SMURF1: variants seen among roughly 807,000 people sequenced by gnomAD.
SMURF1 encodes E3 ubiquitin-protein ligase SMURF1.
SMURF1 carries 44 observed loss-of-function variants against 98.0 expected under a neutral mutation model. That is an observed-to-expected ratio of 0.45 (90% CI 0.35 to 0.58). The LOEUF is 0.58. Ranked by LOEUF, SMURF1 falls within the 20% of genes least tolerant of loss-of-function variation. The pLI, the probability that SMURF1 is intolerant of heterozygous loss-of-function variation, is 0.00. For synonymous variants in SMURF1, 396 were observed against 374.9 expected (o/e 1.06, Z -0.65); for missense variants, 687 against 938.4 (o/e 0.73, Z 3.50).
chr7:99,031,910 A>G (rs1230858374), intron 17 of SMURF1, among the ~76,000 whole-genome samples: 1 of 152,230 alleles, frequency 6.6e-6, no homozygotes, highest in East Asian at 1.9e-4. Flanking sequence ...GGATGGTTCC[A>G]GGACAAAGTG....
chr7:99,141,315 A>G (rs1438048876), intron 1 of SMURF1, among the ~76,000 whole-genome samples: 1 of 152,252 alleles, frequency 6.6e-6, no homozygotes, highest in Non-Finnish European at 1.5e-5. Context: ...TAAACATTTC[A>G]ATTAAAACCT....
chr7:99,057,891 C>T (rs1484263926), intron 3 of SMURF1, among the ~76,000 whole-genome samples: 1 of 151,922 alleles, frequency 6.6e-6, no homozygotes, highest in African/African-American at 2.4e-5. Flanking sequence ...GCTACTATGC[C>T]CAGCTTTTAA....
chr7:99,055,907 A>C (rs749080612), intron 5 of SMURF1, among the ~76,000 whole-genome samples: 10 of 152,204 alleles, frequency 6.6e-5, no homozygotes, highest in Non-Finnish European at 1.2e-4. Context: ...CGGAGGTTGC[A>C]GTGAGCTAAG....
At chr7:99,090,363 C>G (rs1296849635) in intron 1 of SMURF1, among the ~76,000 whole-genome samples, 1 of 152,100 alleles carries the variant, frequency 6.6e-6, no homozygotes, top group African/African-American at 2.4e-5. Context: ...TATAAACCTA[C>G]CCCTTCCTTT....
intron 5 of SMURF1, among the ~76,000 whole-genome samples, chr7:99,056,969 C>T (rs1795890572): frequency 8.3e-6 from 1 of 120,066 alleles, no homozygotes; most frequent in Non-Finnish European, 1.6e-5. Context: ...CACCACTGCA[C>T]TCCATCTCAA....
At chr7:99,059,999 A>G (rs938023097) in intron 3 of SMURF1, among the ~76,000 whole-genome samples, 7 of 152,184 alleles carry the variant, frequency 4.6e-5, no homozygotes, top group Non-Finnish European at 8.8e-5. Flanking sequence ...TTCACAAACT[A>G]TGGCCTTTTT....
At chr7:99,056,740 C>T (rs1186157925) in intron 5 of SMURF1, among the ~76,000 whole-genome samples, 8 of 152,102 alleles carry the variant, frequency 5.3e-5, no homozygotes, top group Admixed American at 2.6e-4. Flanking sequence ...TGGTGGCTCA[C>T]GCCTGTAAGC....
chr7:99,142,867 C>A (rs1309620291), intron 1 of SMURF1, among the ~76,000 whole-genome samples: 1 of 127,864 alleles, frequency 7.8e-6, no homozygotes, highest in Non-Finnish European at 1.6e-5. Flanking sequence ...GGAACAGAGG[C>A]AAGGCCAGGA....
chr7:99,031,956 A>G (rs772760519), intron 17 of SMURF1, among the ~76,000 whole-genome samples: 2 of 152,240 alleles, frequency 1.3e-5, no homozygotes, highest in Non-Finnish European at 2.9e-5. Context: ...CATACAGGAA[A>G]TAATCTACTA....
intron 15 of SMURF1, chr7:99,036,574 A>T (rs1257168091): frequency 6.4e-6 from 1 of 155,300 alleles, no homozygotes; most frequent in African/African-American, 2.4e-5. Flanking sequence ...CAGCAGAAAG[A>T]CTTGGAGAAC....
intron 1 of SMURF1, among the ~76,000 whole-genome samples, chr7:99,109,432 A>C (rs1312837251): frequency 1.3e-5 from 2 of 152,144 alleles, no homozygotes; most frequent in Non-Finnish European, 2.9e-5. Context: ...CTAGGGGTTC[A>C]AACACTCACT....
At chr7:99,042,076 T>A (rs746194152) in intron 12 of SMURF1, 42 bp downstream of exon 12, 2 of 1,493,424 alleles carry the variant, frequency 1.3e-6, no homozygotes, top group Admixed American at 3.4e-5. Context: ...TCTCAAAACT[T>A]CTCCAACTCA....
At chr7:99,032,951 C>CAA (rs1173744534) in intron 17 of SMURF1, 86 bp downstream of exon 17, 5 of 1,334,278 alleles carry the variant, frequency 3.7e-6, no homozygotes, top group South Asian at 1.3e-5. Context: ...GACTCCATCT[C>CAA]AAAAAAAAAC....
In SMURF1 at chr7:99,087,199, A is replaced by G. The variant is rs528581068; in HGVS notation, c.56-25362T>C. Among the ~76,000 whole-genome samples the G allele has an allele frequency of 1.1e-4, 16 of 151,888 alleles. No homozygotes were observed. In the East Asian group the frequency reaches 2.1e-3, roughly 20 times the overall value. On this transcript the variant is annotated intron_variant, in intron 1 of 17. Transcript: ENST00000361368. The stretch of plus-strand genomic sequence containing the variant: ...AGCCTGGGCAACATAGCAAGACCCC[A>G]TCTCTACAAAAAAAAAAAATTTTAA...
chr7:99,094,177 T>C (rs1796891666), intron 1 of SMURF1, among the ~76,000 whole-genome samples: 1 of 152,186 alleles, frequency 6.6e-6, no homozygotes, highest in Non-Finnish European at 1.5e-5. Context: ...TAAAAATTTA[T>C]AAACAACCTC....
chr7:99,087,995 A>G (rs1330376213), intron 1 of SMURF1, among the ~76,000 whole-genome samples: 1 of 152,040 alleles, frequency 6.6e-6, no homozygotes, highest in Non-Finnish European at 1.5e-5. Flanking sequence ...AGTGGCTCAC[A>G]TCTGTAATCC....
chr7:99,106,687 G>C (rs1042055226), intron 1 of SMURF1, among the ~76,000 whole-genome samples: 9 of 152,212 alleles, frequency 5.9e-5, no homozygotes, highest in African/African-American at 2.2e-4. Flanking sequence ...GGCAGAGGCA[G>C]GATCGCTTGA....
chr7:99,060,299 T>C (rs1465526495), intron 3 of SMURF1, among the ~76,000 whole-genome samples: 1 of 147,052 alleles, frequency 6.8e-6, no homozygotes, highest in Admixed American at 7.0e-5. Context: ...GAATCACTTG[T>C]ACCCGGGAGG....
At chr7:99,100,855 TTCAGAG>T (rs1797061703) in intron 1 of SMURF1, among the ~76,000 whole-genome samples, 1 of 152,168 alleles carries the variant, frequency 6.6e-6, no homozygotes, top group Non-Finnish European at 1.5e-5. Context: ...AACAAGAATA[TTCAGAG>T]TCAAAGAGAG....
Sources: allele counts gnomAD v4.1 joint callset (sites outside exome capture counted in the v4.1 genomes callset), GRCh38; gene constraint gnomAD v4.1.1; transcripts MANE v1.5; gene names NCBI Gene and HGNC (gene_info 2026-07-23, HGNC 2026-07-21).